MGAT4C: variants seen among roughly 807,000 people sequenced by gnomAD.
MGAT4C encodes alpha-1,3-mannosyl-glycoprotein 4-beta-N-acetylglucosaminyltransferase C.
In MGAT4C, 19 loss-of-function variants were observed where a neutral mutation model predicts 40.1. The ratio of observed to expected loss-of-function variants is 0.47; its 90% CI spans 0.33 to 0.70. MGAT4C has a LOEUF of 0.70. Among genes scored for constraint, MGAT4C ranks in the 30% least tolerant of loss-of-function variants. The pLI is 0.02. For missense variants in MGAT4C, 491 were observed against 563.2 expected (o/e 0.87, Z 1.30); for synonymous variants, 181 against 187.1 (o/e 0.97, Z 0.27).
chr12:86,069,254 C>G (rs1226053773), intron 1 of MGAT4C, among the ~76,000 whole-genome samples: 1 of 152,056 alleles, frequency 6.6e-6, no homozygotes, highest in Non-Finnish European at 1.5e-5. Flanking sequence ...CCACAAAACT[C>G]TTCTGTTTAT....
intron 2 of MGAT4C, among the ~76,000 whole-genome samples, chr12:86,717,951 T>G (rs1950673642): frequency 6.6e-6 from 1 of 152,150 alleles, no homozygotes; most frequent in Non-Finnish European, 1.5e-5. Context: ...TTACTATCCT[T>G]TCTGAAAATT....
At chr12:86,147,463 G>T (rs983647937) in intron 1 of MGAT4C, among the ~76,000 whole-genome samples, 1 of 152,094 alleles carries the variant, frequency 6.6e-6, no homozygotes, top group Non-Finnish European at 1.5e-5. Context: ...GGATGGTCTG[G>T]ATCTCCTGAC....
Position 86,355,272 on chromosome 12 carries a change from T to A in MGAT4C, c.-119-21145A>T, listed in dbSNP as rs569273456. Among the ~76,000 whole-genome samples, 13 of 152,262 alleles carry A rather than the reference T, an allele frequency of 8.5e-5. No homozygotes were observed. The East Asian group carries it at 2.5e-3, about 29-fold the overall frequency. ...GAATGCTGATTGGCACATTTTACAA[T>A]CCTCTTCTAAGACAGAAATGTTCTC... On this transcript the variant is annotated intron_variant, in intron 3 of 7. Transcript: ENST00000548651.
chr12:86,110,296 C>CTATATATATAGTGTATATATATATATAG (rs375212206), intron 1 of MGAT4C, among the ~76,000 whole-genome samples: 1 of 18,936 alleles, frequency 5.3e-5, no homozygotes, highest in African/African-American at 2.2e-4. Context: ...TATATATAGT[C>CTATATATATAGTGTATATATATATATAG]TCTCTATATA....
intron 2 of MGAT4C, among the ~76,000 whole-genome samples, chr12:86,690,504 CTG>C (rs1425578228): frequency 6.6e-6 from 1 of 152,170 alleles, no homozygotes; most frequent in African/African-American, 2.4e-5. Flanking sequence ...AGCATAGTGT[CTG>C]GGCCAGATAG....
intron 2 of MGAT4C, among the ~76,000 whole-genome samples, chr12:86,489,118 C>T (rs936046756): frequency 1.3e-5 from 2 of 152,098 alleles, no homozygotes; most frequent in African/African-American, 4.8e-5. Context: ...ATAAAGACCC[C>T]AGACTCAGCC....
chr12:86,402,254 G>A (rs1044212165), intron 3 of MGAT4C, among the ~76,000 whole-genome samples: 2 of 151,826 alleles, frequency 1.3e-5, no homozygotes, highest in African/African-American at 2.4e-5. Context: ...AGACCACTCC[G>A]TCTCTACTAA....
chr12:86,189,667 C>T (rs1291334589), intron 1 of MGAT4C, among the ~76,000 whole-genome samples: 1 of 151,982 alleles, frequency 6.6e-6, no homozygotes, highest in Non-Finnish European at 1.5e-5. Context: ...CCTTTGAAAA[C>T]ATCTTCATAT....
chr12:86,803,369 T>A (rs1952272170), intron 1 of MGAT4C, among the ~76,000 whole-genome samples: 1 of 151,656 alleles, frequency 6.6e-6, no homozygotes, highest in African/African-American at 2.4e-5. Flanking sequence ...GGACTTCATG[T>A]CTAAAACACC....
At chr12:86,549,947 C>T (rs1469430684) in intron 2 of MGAT4C, among the ~76,000 whole-genome samples, 3 of 152,104 alleles carry the variant, frequency 2.0e-5, no homozygotes, top group African/African-American at 4.8e-5. Flanking sequence ...ACCCAAATCT[C>T]ATCTTGAAAT....
intron 1 of MGAT4C, among the ~76,000 whole-genome samples, chr12:86,801,830 C>T (rs1952232444): frequency 1.6e-5 from 2 of 124,406 alleles, no homozygotes; most frequent in South Asian, 4.8e-4. Flanking sequence ...AACCCTAATT[C>T]TTCCAGAAAT....
intron 3 of MGAT4C, among the ~76,000 whole-genome samples, chr12:86,354,664 T>G (rs141697570): frequency 6.6e-6 from 1 of 152,332 alleles, no homozygotes; most frequent in Non-Finnish European, 1.5e-5. Flanking sequence ...TAATAGAAAT[T>G]ATTCAATTTG....
intron 2 of MGAT4C, among the ~76,000 whole-genome samples, chr12:86,484,544 G>C (rs372136488): frequency 2.0e-5 from 3 of 152,154 alleles, no homozygotes; most frequent in African/African-American, 7.2e-5. Flanking sequence ...GTCTGATCTC[G>C]AGGGGCAAAA....
chr12:86,632,311 C>T (rs1460057620), intron 2 of MGAT4C, among the ~76,000 whole-genome samples: 1 of 152,108 alleles, frequency 6.6e-6, no homozygotes, highest in Non-Finnish European at 1.5e-5. Context: ...GTTGGGGGGA[C>T]TGTAAACTAG....
At chr12:86,397,915 A>AG (rs2136233818) in intron 3 of MGAT4C, among the ~76,000 whole-genome samples, 1 of 152,264 alleles carries the variant, frequency 6.6e-6, no homozygotes, top group African/African-American at 2.4e-5. Context: ...GTGAGCTATG[A>AG]TCACACCACT....
Position 85,963,538 on chromosome 12 carries a change from C to G in MGAT4C, c.*15751G>C, listed in dbSNP as rs977202604. On this transcript the variant is annotated 3_prime_UTR_variant, in exon 5 of 5. Transcript: ENST00000611864. Reference sequence around the variant, plus strand: ...TGGGTTTGCCATGAATCATAAATACCAAGTCAAATACCTTTGAATTTGATT... The same window carrying G: ...TGGGTTTGCCATGAATCATAAATACGAAGTCAAATACCTTTGAATTTGATT... The G allele has an allele frequency of 6.6e-6, 1 of 151,856 alleles. No individual in the cohort carries two copies. Among genetic ancestry groups the G allele is most frequent in the Non-Finnish European group, 1.5e-5 (1 of 67,878 alleles). 9.4% of individuals were successfully genotyped at this position (151,856 alleles called of 1,614,324 possible). A position where few individuals can be genotyped will look rare whatever the true frequency, so the allele number is the denominator to read the frequency against.
chr12:86,456,766 G>A (rs1181026417), intron 2 of MGAT4C, among the ~76,000 whole-genome samples: 2 of 152,020 alleles, frequency 1.3e-5, no homozygotes, highest in Non-Finnish European at 2.9e-5. Flanking sequence ...GAGAAAATTA[G>A]GTTGTCCCAG....
At chr12:86,252,760 C>T (rs1485850648) in intron 1 of MGAT4C, among the ~76,000 whole-genome samples, 1 of 151,578 alleles carries the variant, frequency 6.6e-6, no homozygotes, top group East Asian at 1.9e-4. Context: ...GAACCTTGTC[C>T]AAAGTCAAAC....
chr12:86,834,689 C>A (rs866189996), intron 1 of MGAT4C, among the ~76,000 whole-genome samples: 1 of 151,206 alleles, frequency 6.6e-6, no homozygotes, highest in South Asian at 2.1e-4. Context: ...GCTTTAATCT[C>A]CTTAAGCATT....
Sources: allele counts gnomAD v4.1 joint callset (sites outside exome capture counted in the v4.1 genomes callset), GRCh38; gene constraint gnomAD v4.1.1; transcripts MANE v1.5; gene names NCBI Gene and HGNC (gene_info 2026-07-23, HGNC 2026-07-21).